Variants in TAMM41 observed in about 807,000 individuals in gnomAD.
TAMM41 encodes the protein phosphatidate cytidylyltransferase, mitochondrial.
TAMM41 carries 36 observed loss-of-function variants against 44.1 expected under a neutral mutation model. The observed-to-expected ratio is 0.82, with a 90% CI of 0.63 to 1.08. The LOEUF is 1.08. Ranked by LOEUF, TAMM41 falls within the 50% of genes least tolerant of loss-of-function variation. The pLI is 0.00. For synonymous variants in TAMM41, 164 were observed against 153.1 expected (o/e 1.07, Z -0.53); for missense variants, 417 against 404.3 (o/e 1.03, Z -0.27).
chr3:11,748,268 TCTTTTA>T, the TAMM41 span, among the ~76,000 whole-genome samples: 1 of 84,556 alleles, frequency 1.2e-5, no homozygotes, highest in Admixed American at 1.2e-4. Context: ...TTTTCTGTAC[TCTTTTA>T]TTTATTTATT....
At chr3:11,733,455 C>G in the TAMM41 span, among the ~76,000 whole-genome samples, 3 of 151,854 alleles carry the variant, frequency 2.0e-5, no homozygotes, top group African/African-American at 7.3e-5. Context: ...TGTTGCATGA[C>G]TCAGCATCCA....
the TAMM41 span, among the ~76,000 whole-genome samples, chr3:11,728,947 G>C: frequency 6.6e-6 from 1 of 150,886 alleles, no homozygotes; most frequent in East Asian, 2.0e-4. Context: ...GGCGAAGGTT[G>C]CAGTGAGCCG....
intron 2 of TAMM41, 161 bp downstream of exon 2, chr3:11,843,868 A>G: frequency 2.7e-6 from 2 of 730,088 alleles, no homozygotes; most frequent in South Asian, 4.3e-5. Context: ...CCTGACTATA[A>G]GAATATACAT....
chr3:11,738,846 CTG>C, the TAMM41 span, among the ~76,000 whole-genome samples: 1 of 152,216 alleles, frequency 6.6e-6, no homozygotes, highest in Non-Finnish European at 1.5e-5. Flanking sequence ...ACCCAGCAGC[CTG>C]TGTTTCAGCA....
At chr3:11,754,498 C>G in the TAMM41 span, among the ~76,000 whole-genome samples, 6 of 151,942 alleles carry the variant, frequency 3.9e-5, no homozygotes, top group South Asian at 2.1e-4. Flanking sequence ...CTCAGCCTCT[C>G]GAGTAGCTGG....
At chr3:11,753,682 A>G in the TAMM41 span, among the ~76,000 whole-genome samples, 1 of 152,022 alleles carries the variant, frequency 6.6e-6, no homozygotes, top group African/African-American at 2.4e-5. Context: ...GCTTGCAGTG[A>G]GCTGAGGTTG....
chr3:11,840,437 G>A (rs2079384363), intron 2 of TAMM41, among the ~76,000 whole-genome samples: 2 of 152,016 alleles, frequency 1.3e-5, no homozygotes, highest in African/African-American at 2.4e-5. Context: ...ATTTCATCCT[G>A]TTGGCCAGGC....
the TAMM41 span, among the ~76,000 whole-genome samples, chr3:11,732,597 A>G: frequency 2.6e-5 from 4 of 152,264 alleles, no homozygotes; most frequent in African/African-American, 9.6e-5. Context: ...TATGAAGAAA[A>G]TAAAACAGAG....
At chr3:11,761,881 A>T in the TAMM41 span, among the ~76,000 whole-genome samples, 1 of 138,386 alleles carries the variant, frequency 7.2e-6, no homozygotes. Context: ...CAGAAGGTGG[A>T]GGTTGCAGTG....
the TAMM41 span, among the ~76,000 whole-genome samples, chr3:11,770,915 G>A: frequency 6.6e-6 from 1 of 152,122 alleles, no homozygotes; most frequent in African/African-American, 2.4e-5. Flanking sequence ...GGAGGGCCAG[G>A]CCAGGCTCGC....
intron 3 of TAMM41, among the ~76,000 whole-genome samples, chr3:11,830,243 C>T (rs2125032195): frequency 6.6e-6 from 1 of 152,188 alleles, no homozygotes; most frequent in South Asian, 2.1e-4. Flanking sequence ...TTATTTAGAC[C>T]TCATCTGTAA....
At chr3:11,753,797 C>A in the TAMM41 span, among the ~76,000 whole-genome samples, 1 of 151,746 alleles carries the variant, frequency 6.6e-6, no homozygotes, top group Non-Finnish European at 1.5e-5. Context: ...GAGGAGCAGA[C>A]CTAAAACAGG....
At chr3:11,746,579 C>T in the TAMM41 span, among the ~76,000 whole-genome samples, 1 of 151,044 alleles carries the variant, frequency 6.6e-6, no homozygotes, top group Admixed American at 6.6e-5. Context: ...ATCTTAGAAA[C>T]ATTATGCTGG....
At chr3:11,792,521 C>T (rs116650406) in intron 7 of TAMM41, among the ~76,000 whole-genome samples, 58 of 152,266 alleles carry the variant, frequency 3.8e-4, no homozygotes, top group Middle Eastern at 3.4e-3. Flanking sequence ...CTGTGCAGGG[C>T]GTCCAGAGTT....
chr3:11,777,851 T>C, the TAMM41 span, among the ~76,000 whole-genome samples: 3 of 152,186 alleles, frequency 2.0e-5, no homozygotes, highest in Non-Finnish European at 2.9e-5. Flanking sequence ...ACCGCCATCA[T>C]ACAGTTTTAG....
chr3:11,822,232 G>T (rs1321849513), intron 4 of TAMM41, among the ~76,000 whole-genome samples: 1 of 152,288 alleles, frequency 6.6e-6, no homozygotes, highest in East Asian at 1.9e-4. Context: ...TTATGTGGTA[G>T]TGTTTAAGGA....
the TAMM41 span, among the ~76,000 whole-genome samples, chr3:11,733,059 TAC>T: frequency 6.8e-6 from 1 of 146,486 alleles, no homozygotes; most frequent in Admixed American, 7.1e-5. Flanking sequence ...AGTGCAGTGG[TAC>T]GATCTTGGCT....
rs1294459194 is a variant in TAMM41, at chr3:11,800,038, A to G, written c.937+7795T>C. On this transcript the variant is annotated intron_variant, in intron 7 of 7. Transcript: ENST00000455809. ...AGAGACTAGTCTTTCCTAGACAAAT[A>G]CTAATGGAATCTGTCACCACTAGAC... Among the ~76,000 whole-genome samples the G allele has an allele frequency of 1.3e-5, 2 of 152,308 alleles. 1 individual carries two copies. Among genetic ancestry groups the G allele is most frequent in the Admixed American group, 1.3e-4 (2 of 15,298 alleles).
the TAMM41 span, among the ~76,000 whole-genome samples, chr3:11,739,597 G>A: frequency 3.0e-4 from 44 of 148,872 alleles, no homozygotes; most frequent in Admixed American, 2.2e-3. Context: ...GCTTGGACCC[G>A]GGAGGTGGAG....
Sources: gnomAD v4.1 joint callset for allele counts (sites outside exome capture counted in the v4.1 genomes callset) on GRCh38, gnomAD v4.1.1 for gene constraint, MANE v1.5 for transcripts, NCBI Gene and HGNC (gene_info 2026-07-23, HGNC 2026-07-21) for gene names.